The following TBC1D19 variants were observed in gnomAD, a reference collection of about 807,000 sequenced individuals.
TBC1D19 encodes the protein TBC1 domain family, member 19.
TBC1D19 carries 60 observed loss-of-function variants against 89.0 expected under a neutral mutation model. The observed-to-expected ratio is 0.67, with a 90% confidence interval of 0.55 to 0.84. The LOEUF is 0.84. TBC1D19 is among the 40% of genes least tolerant of loss of function. The pLI is 0.00. For synonymous variants in TBC1D19, 189 were observed against 199.7 expected (o/e 0.95, Z 0.45); for missense variants, 500 against 610.8 (o/e 0.82, Z 1.91).
At chr4:26,616,373 A>G (rs1357895603) in intron 3 of TBC1D19, among the ~76,000 whole-genome samples, 1 of 152,180 alleles carries the variant, frequency 6.6e-6, no homozygotes, top group Non-Finnish European at 1.5e-5. Flanking sequence ...AGCCTTAGAG[A>G]GAGTCCAAGA....
At chr4:26,609,335 T>C (rs1560415064) in intron 1 of TBC1D19, among the ~76,000 whole-genome samples, 1 of 152,176 alleles carries the variant, frequency 6.6e-6, no homozygotes. Flanking sequence ...ATTTATAGTC[T>C]AGTCAGAAAG....
intron 9 of TBC1D19, among the ~76,000 whole-genome samples, chr4:26,671,817 A>G (rs1020770615): frequency 2.0e-5 from 3 of 151,878 alleles, no homozygotes; most frequent in Non-Finnish European, 4.4e-5. Context: ...TAACAAAGGG[A>G]AAATTCATTC....
chr4:26,646,765 A>T (rs537652729), intron 7 of TBC1D19, among the ~76,000 whole-genome samples: 53 of 152,260 alleles, frequency 3.5e-4, no homozygotes, highest in Middle Eastern at 3.4e-3. Flanking sequence ...ACTTGGACAC[A>T]GGGTGGGAAA....
At chr4:26,706,261 C>CT (rs1715731500) in intron 13 of TBC1D19, among the ~76,000 whole-genome samples, 1 of 152,080 alleles carries the variant, frequency 6.6e-6, no homozygotes, top group Admixed American at 6.6e-5. Flanking sequence ...TCTTGGTTGA[C>CT]TTTGTGTTTC....
At chr4:26,642,838 C>G (rs1743641822) in intron 7 of TBC1D19, among the ~76,000 whole-genome samples, 1 of 151,680 alleles carries the variant, frequency 6.6e-6, no homozygotes, top group Non-Finnish European at 1.5e-5. Context: ...CAAAGAAGGC[C>G]ATTACATAAT....
At chr4:26,600,059 A>G (rs1740496203) in intron 1 of TBC1D19, among the ~76,000 whole-genome samples, 1 of 149,774 alleles carries the variant, frequency 6.7e-6, no homozygotes, top group Non-Finnish European at 1.5e-5. Context: ...CATTATTTGT[A>G]TTTCAAATGG....
At chr4:26,693,811 T>G (rs942385225) in intron 13 of TBC1D19, among the ~76,000 whole-genome samples, 5 of 152,008 alleles carry the variant, frequency 3.3e-5, no homozygotes, top group African/African-American at 1.2e-4. Flanking sequence ...CGTTGAAAAG[T>G]ACAATAATTG....
chr4:26,730,319 A>G (rs1193526988), intron 15 of TBC1D19, among the ~76,000 whole-genome samples: 1 of 152,228 alleles, frequency 6.6e-6, no homozygotes, highest in African/African-American at 2.4e-5. Context: ...AGAAAAAAAT[A>G]AAAAATTATT....
chr4:26,630,874 A>G (rs1421325512), intron 4 of TBC1D19, among the ~76,000 whole-genome samples: 1 of 152,046 alleles, frequency 6.6e-6, no homozygotes, highest in East Asian at 1.9e-4. Flanking sequence ...AAAGGAATGA[A>G]TGGATACCAC....
chr4:26,592,981 A>G (rs1739923706), intron 1 of TBC1D19, among the ~76,000 whole-genome samples: 1 of 151,730 alleles, frequency 6.6e-6, no homozygotes, highest in African/African-American at 2.4e-5. Flanking sequence ...AGAATTGGAA[A>G]AAGCTACTTT....
chr4:26,803,988 C>T, the TBC1D19 span, among the ~76,000 whole-genome samples: 2 of 151,490 alleles, frequency 1.3e-5, no homozygotes, highest in African/African-American at 4.9e-5. Flanking sequence ...AATAGGCAGG[C>T]AAACTCAGCA....
At chr4:26,791,360 G>T in the TBC1D19 span, among the ~76,000 whole-genome samples, 1 of 152,276 alleles carries the variant, frequency 6.6e-6, no homozygotes, top group African/African-American at 2.4e-5. Flanking sequence ...GTCCCTCACA[G>T]AGCTGACCTG....
At chr4:26,806,374 C>T in the TBC1D19 span, among the ~76,000 whole-genome samples, 2 of 152,178 alleles carry the variant, frequency 1.3e-5, no homozygotes, top group Non-Finnish European at 2.9e-5. Context: ...TACTACATAC[C>T]TCTAGGGTTG....
At chr4:26,638,089 T>G (rs1743245612) in intron 5 of TBC1D19, among the ~76,000 whole-genome samples, 1 of 151,996 alleles carries the variant, frequency 6.6e-6, no homozygotes, top group Admixed American at 6.6e-5. Flanking sequence ...TCAACATTTA[T>G]GTTACTCTGG....
At chr4:26,778,900 T>C in the TBC1D19 span, among the ~76,000 whole-genome samples, 1 of 152,206 alleles carries the variant, frequency 6.6e-6, no homozygotes, top group African/African-American at 2.4e-5. Context: ...CTGATATCCC[T>C]TGGAATAATT....
intron 7 of TBC1D19, among the ~76,000 whole-genome samples, chr4:26,650,823 C>T (rs1479095303): frequency 2.0e-5 from 3 of 152,178 alleles, no homozygotes; most frequent in Non-Finnish European, 4.4e-5. Flanking sequence ...CCTAGGTTTT[C>T]TTCTAGGGTT....
the TBC1D19 span, among the ~76,000 whole-genome samples, chr4:26,770,065 G>GA: frequency 5.5e-4 from 77 of 140,140 alleles, no homozygotes; most frequent in Middle Eastern, 3.9e-3. Context: ...GAGAAAAATA[G>GA]AAAAAAAAAA....
upstream of TBC1D19, among the ~76,000 whole-genome samples, chr4:26,580,786 A>G (rs1739047610): frequency 6.6e-6 from 1 of 152,244 alleles, no homozygotes; most frequent in South Asian, 2.1e-4. Flanking sequence ...GTTTCAGTGT[A>G]CCCTTGAAGG....
chr4:26,636,488 T>TAAA lies in TBC1D19; in HGVS notation c.295-708_295-706dup, dbSNP rs71643685. ...GGACCTTTCAAGAAAGTCAGTATCATAAAAAAAAAAAAAAAAAGAAGAATA... is the reference window on the plus strand; with the variant it reads ...GGACCTTTCAAGAAAGTCAGTATCATAAAAAAAAAAAAAAAAAAAAGAAGAATA... On this transcript the variant is annotated intron_variant, in intron 4 of 20. Coordinates refer to ENST00000264866, the MANE Select transcript of TBC1D19 (RefSeq NM_018317.4). Among the ~76,000 whole-genome samples, 535 of 130,982 alleles carry TAAA rather than the reference T, an allele frequency of 4.1e-3. 6 individuals carry two copies. Among genetic ancestry groups the TAAA allele is most frequent in the African/African-American group, 7.3e-3 (260 of 35,600 alleles). 85.9% of individuals were successfully genotyped at this position (130,982 alleles called of 152,430 possible).
Sources: gnomAD v4.1 joint callset for allele counts (sites outside exome capture counted in the v4.1 genomes callset) on GRCh38, gnomAD v4.1.1 for gene constraint, MANE v1.5 for transcripts, NCBI Gene and HGNC (gene_info 2026-07-23, HGNC 2026-07-21) for gene names.